The following VAV3 variants were observed in gnomAD, a reference collection of about 807,000 sequenced individuals.
The protein encoded by VAV3 is guanine nucleotide exchange factor VAV3.
VAV3 carries 94 observed loss-of-function variants against 131.2 expected under a neutral mutation model. That is an observed-to-expected ratio of 0.72 (90% confidence interval 0.61 to 0.85). The LOEUF (loss-of-function observed/expected upper bound fraction) is 0.85, where lower values mean the gene tolerates loss of function less well. Ranked by LOEUF, VAV3 falls within the 40% of genes least tolerant of loss-of-function variation. VAV3 has a pLI of 0.00. For missense variants in VAV3, 939 were observed against 1,002.7 expected (o/e 0.94, Z 0.86); for synonymous variants, 349 against 342.0 (o/e 1.02, Z -0.22).
rs114154296 is a variant in VAV3, at chr1:107,619,514, T to C, written c.1915-1882A>G. Among the ~76,000 whole-genome samples, 204 of 152,242 alleles carry C rather than the reference T, an allele frequency of 1.3e-3. 1 individual carries two copies. Among genetic ancestry groups the C allele is most frequent in the African/African-American group, 4.5e-3 (189 of 41,560 alleles). On this transcript the variant is annotated intron_variant, in intron 20 of 26. Coordinates refer to ENST00000370056, the MANE Select transcript of VAV3 (RefSeq NM_006113.5). Reference sequence around the variant, plus strand: ...ACCTTTATATATAAACACACTACAATGCTACCTGAGTGCAAAATATAAAGG... The same window carrying C: ...ACCTTTATATATAAACACACTACAACGCTACCTGAGTGCAAAATATAAAGG...
chr1:107,669,347 T>A (rs1409443259), intron 19 of VAV3: 12 of 1,289,798 alleles, frequency 9.3e-6, no homozygotes, highest in Non-Finnish European at 1.2e-5. Context: ...CTCCTGTTAT[T>A]TTCAGAAACC....
intron 19 of VAV3, among the ~76,000 whole-genome samples, chr1:107,645,947 AG>A (rs1433677724): frequency 6.6e-6 from 1 of 152,044 alleles, no homozygotes; most frequent in Non-Finnish European, 1.5e-5. Flanking sequence ...TTTATTAATA[AG>A]GTCTTCTTGA....
At chr1:107,650,721 C>T (rs1385192916) in intron 19 of VAV3, among the ~76,000 whole-genome samples, 2 of 121,796 alleles carry the variant, frequency 1.6e-5, no homozygotes, top group Non-Finnish European at 3.3e-5. Flanking sequence ...CTCCCCCCAC[C>T]CCACAACAGT....
chr1:107,955,459 A>T (rs1332753218), intron 1 of VAV3, among the ~76,000 whole-genome samples: 5 of 152,084 alleles, frequency 3.3e-5, no homozygotes, highest in Non-Finnish European at 7.4e-5. Context: ...TATATAAAGG[A>T]ACTAGCCTAT....
Position 107,908,242 on chromosome 1 carries a change from T to C in VAV3, c.205-33225A>G, listed in dbSNP as rs180939534. On this transcript the variant is annotated intron_variant, in intron 1 of 26. Coordinates refer to ENST00000370056, the MANE Select transcript of VAV3 (RefSeq NM_006113.5). ...ACCATATTCTTCCCCCAGCAGTGGC[T>C]GGTAGAAGTGGGGATAGATGTTAGG... Among the ~76,000 whole-genome samples the C allele has an allele frequency of 2.0e-5, 3 of 152,308 alleles. No individual in the cohort carries two copies. The East Asian group carries it at 5.8e-4, about 29-fold the overall frequency.
At chr1:107,778,660 A>G (rs1665512296) in intron 3 of VAV3, among the ~76,000 whole-genome samples, 1 of 152,174 alleles carries the variant, frequency 6.6e-6, no homozygotes, top group Non-Finnish European at 1.5e-5. Context: ...TGTGAATGTG[A>G]GCTGGACACA....
chr1:107,742,453 G>A (rs191738693), intron 15 of VAV3, among the ~76,000 whole-genome samples: 4 of 152,076 alleles, frequency 2.6e-5, no homozygotes, highest in Non-Finnish European at 5.9e-5. Flanking sequence ...GGCCACTAAA[G>A]GTACACCAAA....
At chr1:107,645,627 C>T (rs1655682586) in intron 19 of VAV3, among the ~76,000 whole-genome samples, 1 of 152,002 alleles carries the variant, frequency 6.6e-6, no homozygotes, top group Non-Finnish European at 1.5e-5. Flanking sequence ...CTCACATTAA[C>T]TGGAAGACAA....
intron 17 of VAV3, among the ~76,000 whole-genome samples, chr1:107,700,876 A>G (rs1367411843): frequency 6.6e-6 from 1 of 152,178 alleles, no homozygotes; most frequent in Non-Finnish European, 1.5e-5. Flanking sequence ...GGATTGCCAC[A>G]CTGTCTTCCA....
chr1:107,687,490 TATAACTAATCACAC>T, intron 18 of VAV3, among the ~76,000 whole-genome samples: 1 of 152,318 alleles, frequency 6.6e-6, no homozygotes, highest in East Asian at 1.9e-4. Flanking sequence ...TTTTGGTTCA[TATAACTAATCACAC>T]ATAGTTTGTA....
At chr1:107,862,844 C>G (rs994220977) in intron 2 of VAV3, 1 of 144,210 alleles carries the variant, frequency 6.9e-6, no homozygotes, top group Non-Finnish European at 1.6e-5. Context: ...TCCTATTACA[C>G]AGAAAGAAAA....
chr1:107,916,530 G>A (rs371463920), intron 1 of VAV3, among the ~76,000 whole-genome samples: 5 of 152,122 alleles, frequency 3.3e-5, no homozygotes, highest in African/African-American at 1.2e-4. Flanking sequence ...GACATTAAAG[G>A]AAATATTAAA....
chr1:107,582,592 G>A (rs1228707478), intron 25 of VAV3, among the ~76,000 whole-genome samples: 2 of 128,754 alleles, frequency 1.6e-5, no homozygotes, highest in Non-Finnish European at 3.1e-5. Context: ...TCCCCAGGGT[G>A]TGATGTTCCC....
intron 19 of VAV3, chr1:107,668,952 T>C (rs1401776882): frequency 1.0e-6 from 1 of 990,346 alleles, no homozygotes; most frequent in Non-Finnish European, 1.2e-6. Flanking sequence ...TTGAATTCTC[T>C]TCAACTCTTT....
chr1:107,782,682 G>A (rs1403959888), intron 2 of VAV3, among the ~76,000 whole-genome samples: 1 of 152,140 alleles, frequency 6.6e-6, no homozygotes, highest in Non-Finnish European at 1.5e-5. Flanking sequence ...TTTAGCCAAA[G>A]CAAATAAAGA....
chr1:107,765,313 T>C (rs1015153614), intron 8 of VAV3, 138 bp from the exon 9 acceptor site: 3 of 675,788 alleles, frequency 4.4e-6, no homozygotes, highest in African/African-American at 3.7e-5. Context: ...TTTTAATACA[T>C]ACCACATACA....
chr1:107,880,525 G>A (rs1183769943), intron 1 of VAV3, among the ~76,000 whole-genome samples: 1 of 152,142 alleles, frequency 6.6e-6, no homozygotes, highest in Non-Finnish European at 1.5e-5. Context: ...GCCAGATGCG[G>A]TGGCTCATGT....
chr1:107,923,627 A>G (rs185607384), intron 1 of VAV3, among the ~76,000 whole-genome samples: 2 of 152,224 alleles, frequency 1.3e-5, no homozygotes, highest in East Asian at 1.9e-4. Context: ...CCTTCTTTAC[A>G]TGGTGTCAGG....
chr1:107,768,729 T>C (rs1297442554), intron 6 of VAV3, among the ~76,000 whole-genome samples: 1 of 152,076 alleles, frequency 6.6e-6, no homozygotes, highest in Non-Finnish European at 1.5e-5. Flanking sequence ...ATTTAAAGTA[T>C]AAAATAAAAT....
Sources: allele counts gnomAD v4.1 joint callset (sites outside exome capture counted in the v4.1 genomes callset), GRCh38; gene constraint gnomAD v4.1.1; transcripts MANE v1.5; gene names NCBI Gene and HGNC (gene_info 2026-07-23, HGNC 2026-07-21).